MACROD2: variants seen among roughly 807,000 people sequenced by gnomAD.
MACROD2 encodes mono-ADP ribosylhydrolase 2.
MACROD2 carries 36 observed loss-of-function variants against 70.4 expected under a neutral mutation model. The observed-to-expected ratio is 0.51, with a 90% CI of 0.39 to 0.68. The LOEUF is 0.68. Among genes scored for constraint, MACROD2 ranks in the 30% least tolerant of loss-of-function variants. The pLI is 0.00. For missense variants in MACROD2, 496 were observed against 538.4 expected (o/e 0.92, Z 0.78); for synonymous variants, 172 against 178.8 (o/e 0.96, Z 0.30).
At chr20:14,969,091 T>C (rs1304429487) in intron 5 of MACROD2, among the ~76,000 whole-genome samples, 5 of 151,584 alleles carry the variant, frequency 3.3e-5, no homozygotes, top group African/African-American at 1.2e-4. Flanking sequence ...TAGAAGCAAA[T>C]AGAGATCACC....
At chr20:14,622,782 T>G (rs1983902359) in intron 4 of MACROD2, 1 of 152,220 alleles carries the variant, frequency 6.6e-6, no homozygotes, top group Non-Finnish European at 1.5e-5. Context: ...CACAGTTGTT[T>G]ATCCCCTCAG....
chr20:14,856,639 T>C (rs777632635), intron 5 of MACROD2, among the ~76,000 whole-genome samples: 4 of 152,164 alleles, frequency 2.6e-5, no homozygotes, highest in South Asian at 2.1e-4. Context: ...AATGTGAACA[T>C]GAATAACCCA....
intron 13 of MACROD2, among the ~76,000 whole-genome samples, chr20:15,968,978 T>C (rs890356114): frequency 2.0e-5 from 3 of 151,854 alleles, no homozygotes; most frequent in African/African-American, 7.3e-5. Flanking sequence ...GAAGCTCTTT[T>C]TACCTTAGGG....
chr20:15,018,304 A>G (rs1056367343), intron 5 of MACROD2, among the ~76,000 whole-genome samples: 1 of 152,164 alleles, frequency 6.6e-6, no homozygotes, highest in Admixed American at 6.5e-5. Flanking sequence ...AACAAGAGTC[A>G]CCTTTGCTCT....
intron 6 of MACROD2, among the ~76,000 whole-genome samples, chr20:15,240,023 A>AG (rs543337715): frequency 4.6e-4 from 70 of 152,278 alleles, no homozygotes; most frequent in African/African-American, 1.2e-3. Flanking sequence ...GGTGAACAGC[A>AG]GGGGGGTTTA....
chr20:14,249,163 A>G (rs192950519), intron 3 of MACROD2, among the ~76,000 whole-genome samples: 10 of 138,976 alleles, frequency 7.2e-5, no homozygotes, highest in Admixed American at 6.9e-4. Flanking sequence ...TAGATGACAC[A>G]GAAACTTCTC....
intron 2 of MACROD2, among the ~76,000 whole-genome samples, chr20:14,034,970 T>G (rs2053290229): frequency 6.6e-6 from 1 of 152,216 alleles, no homozygotes; most frequent in African/African-American, 2.4e-5. Flanking sequence ...GATTTTTTTC[T>G]TCTTGGTCTT....
chr20:15,871,273 C>T (rs898378114), intron 9 of MACROD2, among the ~76,000 whole-genome samples: 1 of 151,708 alleles, frequency 6.6e-6, no homozygotes, highest in Non-Finnish European at 1.5e-5. Flanking sequence ...AAAATTTTAC[C>T]CAGGCAGTAT....
At chr20:14,788,977 C>T (rs950608780) in intron 5 of MACROD2, among the ~76,000 whole-genome samples, 1 of 151,842 alleles carries the variant, frequency 6.6e-6, no homozygotes, top group Non-Finnish European at 1.5e-5. Flanking sequence ...CCATGTTGGT[C>T]AGGCTGGTCT....
intron 3 of MACROD2, among the ~76,000 whole-genome samples, chr20:14,109,369 A>T (rs1199552340): frequency 6.6e-6 from 1 of 151,916 alleles, no homozygotes; most frequent in African/African-American, 2.4e-5. Context: ...AGCAAATAAA[A>T]CCCAAAATTA....
chr20:14,376,933 C>T (rs2083377605), intron 3 of MACROD2, among the ~76,000 whole-genome samples: 1 of 151,990 alleles, frequency 6.6e-6, no homozygotes, highest in Non-Finnish European at 1.5e-5. Context: ...AATATTAATA[C>T]TAAATTTGAA....
chr20:15,827,342 G>A (rs951687250), intron 8 of MACROD2, among the ~76,000 whole-genome samples: 1 of 152,068 alleles, frequency 6.6e-6, no homozygotes, highest in East Asian at 1.9e-4. Context: ...TTAGATAAAA[G>A]GATTATTAAA....
intron 8 of MACROD2, among the ~76,000 whole-genome samples, chr20:15,543,485 G>A (rs1423001692): frequency 2.0e-5 from 3 of 152,104 alleles, no homozygotes; most frequent in Non-Finnish European, 2.9e-5. Context: ...CCCAATGCCA[G>A]TAATGTCATT....
intron 5 of MACROD2, among the ~76,000 whole-genome samples, chr20:15,065,616 T>G (rs1266404534): frequency 6.9e-6 from 1 of 145,616 alleles, no homozygotes; most frequent in Non-Finnish European, 1.5e-5. Flanking sequence ...ATCGCGCCAC[T>G]GCACTCTAGC....
intron 8 of MACROD2, among the ~76,000 whole-genome samples, chr20:15,849,135 A>C (rs2064268068): frequency 6.6e-6 from 1 of 152,332 alleles, no homozygotes; most frequent in Middle Eastern, 3.4e-3. Context: ...ATGTTCACAC[A>C]TGCACACACA....
At chr20:15,209,333 A>T (rs1023943081) in intron 5 of MACROD2, among the ~76,000 whole-genome samples, 4 of 151,956 alleles carry the variant, frequency 2.6e-5, no homozygotes, top group African/African-American at 9.7e-5. Flanking sequence ...GTTTTTAGTT[A>T]TAGTTAGCAG....
At chr20:15,320,118 C>T (rs2077858079) in intron 6 of MACROD2, among the ~76,000 whole-genome samples, 1 of 152,154 alleles carries the variant, frequency 6.6e-6, no homozygotes, top group Non-Finnish European at 1.5e-5. Context: ...GCAGGAGAAT[C>T]GCTTGAACCC....
intron 5 of MACROD2, among the ~76,000 whole-genome samples, chr20:14,870,930 G>A (rs1288231695): frequency 6.6e-6 from 1 of 152,108 alleles, no homozygotes; most frequent in Non-Finnish European, 1.5e-5. Flanking sequence ...TTCCTTTGCT[G>A]TGCAGAAGCT....
At chr20:14,302,293 A>T (rs2082481358) in intron 3 of MACROD2, among the ~76,000 whole-genome samples, 1 of 152,216 alleles carries the variant, frequency 6.6e-6, no homozygotes. Context: ...GTCAGCAGAG[A>T]GCCGCCTTTA....
Sources: gnomAD v4.1 joint callset for allele counts (sites outside exome capture counted in the v4.1 genomes callset) on GRCh38, gnomAD v4.1.1 for gene constraint, MANE v1.5 for transcripts, NCBI Gene and HGNC (gene_info 2026-07-23, HGNC 2026-07-21) for gene names.